CD164: variants seen among roughly 807,000 people sequenced by gnomAD.
CD164 encodes CD164 molecule, also known as sialomucin core protein 24.
A neutral mutation model predicts 24.6 loss-of-function variants in CD164; 11 were observed. The observed-to-expected ratio is 0.45, with a 90% confidence interval of 0.28 to 0.74. The LOEUF (loss-of-function observed/expected upper bound fraction) is 0.74, where lower values mean the gene tolerates loss of function less well. CD164 is among the 30% of genes least tolerant of loss of function. CD164 has a pLI of 0.13. For missense variants in CD164, 295 were observed against 243.7 expected, an observed-to-expected ratio of 1.21 and a Z score of -1.40; for synonymous variants, 126 against 100.3, an observed-to-expected ratio of 1.26 and a Z score of -1.53.
rs1770802416 is a variant in CD164, at chr6:109,367,105, T to G, written c.*1746A>C. The G allele has an allele frequency of 1.3e-5, 2 of 152,600 alleles. No homozygotes were observed. The highest frequency in any genetic ancestry group is 2.4e-5 in the African/African-American group (1 of 41,458). The allele number at this position is 152,600 out of a possible 1,614,324, so 9.5% of individuals were successfully genotyped here. On this transcript the variant is annotated 3_prime_UTR_variant, in exon 6 of 6. Transcript: ENST00000310786. ...TGGCACCATAATACATTTTGTGAGG[T>G]ACCTAGAATATTACTAATGGAAACA...
rs1335863094 is a variant in CD164, at chr6:109,368,385, GTAC to G, written c.*463_*465del. 8 of 1,490,982 alleles carry G rather than the reference GTAC, an allele frequency of 5.4e-6. No homozygotes were observed. Among genetic ancestry groups the G allele is most frequent in the East Asian group, 5.0e-5 (2 of 39,684 alleles). The allele number at this position is 1,490,982 out of a possible 1,614,324, so 92.4% of individuals were successfully genotyped here. On this transcript the variant is annotated 3_prime_UTR_variant, in exon 6 of 6. Coordinates refer to ENST00000310786, the MANE Select transcript of CD164 (RefSeq NM_006016.6). ...AATTTTAATCTAAGGATACCATTTA[GTAC>G]TACTAAATTAATAAATTTATTCCAC...
At chr6:109,377,831 G>A in intron 3 of CD164, 69 bp downstream of exon 3, 2 of 1,115,056 alleles carry the variant, frequency 1.8e-6, no homozygotes, top group Non-Finnish European at 2.8e-6. Flanking sequence ...CTGAAACAAG[G>A]CTTTCTGAGG....
intron 3 of CD164, among the ~76,000 whole-genome samples, chr6:109,376,400 T>A (rs755077242): frequency 4.6e-5 from 7 of 152,116 alleles, no homozygotes; most frequent in Non-Finnish European, 7.4e-5. Flanking sequence ...ATCCTTAAAG[T>A]AAGATACAAG....
At position 109,367,087 on chromosome 6, in the gene CD164, A is replaced by G. The variant is rs1770801250; in HGVS notation, c.*1764T>C. 2.6e-5 allele frequency: 4 copies of G among 152,602 alleles called. No individual in the cohort carries two copies. Among genetic ancestry groups the G allele is most frequent in the African/African-American group, 4.8e-5 (2 of 41,458 alleles). The allele number at this position is 152,602 out of a possible 1,614,324, so 9.5% of individuals were successfully genotyped here. ...ACTAAAAACTAACAGCCATGGCACC[A>G]TAATACATTTTGTGAGGTACCTAGA... is the stretch of plus-strand genomic sequence containing the variant. On this transcript the variant is annotated 3_prime_UTR_variant, in exon 6 of 6. Transcript: ENST00000310786.
chr6:109,372,713 T>C (rs1771149645), intron 4 of CD164: 1 of 152,228 alleles, frequency 6.6e-6, no homozygotes, highest in Non-Finnish European at 1.5e-5. Flanking sequence ...TCATTATTTC[T>C]GTCAAGGTTT....
Position 109,368,702 on chromosome 6 carries a change from A to C in CD164, c.*149T>G. ...GATTTAATTGATTTTTTCTTCACGG[A>C]TGATGCTCCCAAACATCCTATATGC... On this transcript the variant is annotated 3_prime_UTR_variant, in exon 6 of 6. Transcript: ENST00000310786. The C allele has an allele frequency of 7.2e-7, 1 of 1,392,208 alleles. No individual in the cohort carries two copies. The highest frequency in any genetic ancestry group is 2.7e-5 in the East Asian group (1 of 37,038). 86.2% of individuals were successfully genotyped at this position (1,392,208 alleles called of 1,614,324 possible). A position where few individuals can be genotyped will look rare whatever the true frequency, so the allele number is the denominator to read the frequency against.
At chr6:109,382,165 G>C in intron 1 of CD164, 39 bp downstream of exon 1, 1 of 1,477,586 alleles carries the variant, frequency 6.8e-7, no homozygotes, top group Non-Finnish European at 9.0e-7. Context: ...GGCTCGGCTG[G>C]GCAGGGGAGG....
At position 109,366,844 on chromosome 6, in the gene CD164, TCTAA is replaced by T. The variant is rs537571218; in HGVS notation, c.*2003_*2006del. The T allele has an allele frequency of 2.5e-3, 374 of 152,544 alleles. 3 individuals are homozygous for T. Among genetic ancestry groups the T allele is most frequent in the African/African-American group, 8.7e-3 (362 of 41,580 alleles). The allele number at this position is 152,544 out of a possible 1,614,324, so 9.4% of individuals were successfully genotyped here. A position where few individuals can be genotyped will look rare whatever the true frequency, so the allele number is the denominator to read the frequency against. ...AGAGCTCATTTGTAGACTTGCAAAA[TCTAA>T]CTAATTTTATATTATGCTTGTTGTT... On this transcript the variant is annotated 3_prime_UTR_variant, in exon 6 of 6. Coordinates refer to ENST00000310786, the MANE Select transcript of CD164 (RefSeq NM_006016.6).
chr6:109,372,818 A>C (rs1169120010), intron 4 of CD164: 3 of 152,262 alleles, frequency 2.0e-5, no homozygotes, highest in African/African-American at 4.8e-5. Flanking sequence ...ATTGTTTGAC[A>C]ATGTTAGGAA....
chr6:109,382,420 C>G lies in CD164; in HGVS notation c.-42G>C, dbSNP rs531321731. 18 of 1,468,160 alleles carry G rather than the reference C, an allele frequency of 1.2e-5. No homozygotes were observed. The South Asian group carries it at 2.4e-4, about 19-fold the overall frequency. 90.9% of individuals were successfully genotyped at this position (1,468,160 alleles called of 1,614,324 possible). A position where few individuals can be genotyped will look rare whatever the true frequency, so the allele number is the denominator to read the frequency against. On this transcript the variant is annotated 5_prime_UTR_variant, in exon 1 of 6. Transcript: ENST00000310786. ...GCGTTCGGGAGAAAGCTAAGGCTCG[C>G]AACGCTCAGTCAACCCCTCAATCCC...
intron 3 of CD164, among the ~76,000 whole-genome samples, chr6:109,376,806 G>A (rs1178368490): frequency 3.9e-5 from 6 of 152,204 alleles, no homozygotes; most frequent in Admixed American, 1.3e-4. Context: ...AGGTCTGACA[G>A]TTATTAGTTT....
rs78529871 is a variant in CD164, at chr6:109,373,599, C to T, written c.370+2475G>A. Among the ~76,000 whole-genome samples the T allele has an allele frequency of 2.8e-3, 430 of 152,312 alleles. 2 individuals are homozygous for T. The highest frequency in any genetic ancestry group is 1.0e-2 in the African/African-American group (415 of 41,564). On this transcript the variant is annotated intron_variant, in intron 4 of 5. Coordinates refer to ENST00000310786, the MANE Select transcript of CD164 (RefSeq NM_006016.6). ...TGCAGAGAACTACATCAAGAGTGAA[C>T]CCAGTTCTCAAGAAATGAACAACAG...
In CD164 at chr6:109,373,092, G is replaced by GT. The variant is rs1470141606; in HGVS notation, c.371-2626dup. ...TAAGTTATAAAAGTTGCTATTAGTGGTAAGAAAATCTAGAAAATGCCAAAA... is the reference window on the plus strand; with the variant it reads ...TAAGTTATAAAAGTTGCTATTAGTGGTTAAGAAAATCTAGAAAATGCCAAAA... On this transcript the variant is annotated intron_variant, in intron 4 of 5. Coordinates refer to ENST00000310786, the MANE Select transcript of CD164 (RefSeq NM_006016.6). Among the ~76,000 whole-genome samples, 5 of 152,060 alleles carry GT rather than the reference G, an allele frequency of 3.3e-5. No homozygotes were observed. In the South Asian group the frequency reaches 6.2e-4, roughly 19 times the overall value.
At chr6:109,380,577 A>AAT (rs1250353219) in intron 1 of CD164, 2 of 152,304 alleles carry the variant, frequency 1.3e-5, no homozygotes, top group East Asian at 3.9e-4. Context: ...CATAAAGTAA[A>AAT]AATAAATTTT....
intron 4 of CD164, chr6:109,375,842 T>G: frequency 2.2e-6 from 1 of 459,526 alleles, no homozygotes; most frequent in Non-Finnish European, 3.8e-6. Context: ...ATAGACTCAA[T>G]GTACACAGCC....
At chr6:109,371,572 A>G (rs1367542105) in intron 4 of CD164, 2 of 153,742 alleles carry the variant, frequency 1.3e-5, no homozygotes, top group Non-Finnish European at 2.9e-5. Context: ...TTAAGTTTCT[A>G]TTGGTAGTAT....
intron 2 of CD164, among the ~76,000 whole-genome samples, chr6:109,378,444 GA>G (rs35458975): frequency 0.016 from 2,395 of 146,666 alleles, 24 homozygotes; most frequent in Middle Eastern, 0.036. Context: ...CTGTCTCAGG[GA>G]AAAAAAAAAA....
At chr6:109,381,900 C>G in intron 1 of CD164, 1 of 465,160 alleles carries the variant, frequency 2.1e-6, no homozygotes, top group Non-Finnish European at 3.8e-6. Context: ...ATTTCCGACC[C>G]CAAGTGAGGC....
At chr6:109,371,812 C>T (rs1290148929) in intron 4 of CD164, 1 of 153,074 alleles carries the variant, frequency 6.5e-6, no homozygotes, top group African/African-American at 2.4e-5. Flanking sequence ...CTCAGGAAAT[C>T]ATTAGGTAAG....
Sources: gnomAD v4.1 joint callset for allele counts (sites outside exome capture counted in the v4.1 genomes callset) on GRCh38, gnomAD v4.1.1 for gene constraint, MANE v1.5 for transcripts, NCBI Gene and HGNC (gene_info 2026-07-23, HGNC 2026-07-21) for gene names.